The following STAG3 variants were observed in gnomAD, a reference collection of about 807,000 sequenced individuals.
The protein encoded by STAG3 is cohesin subunit SA-3.
A neutral mutation model predicts 160.7 loss-of-function variants in STAG3; 101 were observed. The observed-to-expected ratio is 0.63, with a 90% CI of 0.54 to 0.74. The LOEUF (loss-of-function observed/expected upper bound fraction) is 0.74. STAG3 is among the 30% of genes least tolerant of loss of function. The pLI is 0.00. For synonymous variants in STAG3, 519 were observed against 585.0 expected (o/e 0.89, Z 1.63); for missense variants, 1,188 against 1,517.4 (o/e 0.78, Z 3.61).
chr7:100,203,224 C>T (rs1279304843), intron 25 of STAG3, among the ~76,000 whole-genome samples: 3 of 149,584 alleles, frequency 2.0e-5, no homozygotes, highest in East Asian at 1.9e-4. Flanking sequence ...CTAGCTCTGT[C>T]GCCAGGCTAG....
intron 29 of STAG3, among the ~76,000 whole-genome samples, chr7:100,209,359 G>A (rs1801959753): frequency 6.6e-6 from 1 of 152,192 alleles, no homozygotes; most frequent in African/African-American, 2.4e-5. Context: ...AGCCAGTCCT[G>A]AGGCCACGAG....
intron 8 of STAG3, among the ~76,000 whole-genome samples, chr7:100,194,382 GGA>G (rs960199505): frequency 1.3e-5 from 2 of 152,054 alleles, no homozygotes; most frequent in African/African-American, 4.8e-5. Flanking sequence ...GGAGGCCTGA[GGA>G]GAGAGAGAGA....
chr7:100,216,249 G>A (rs1802740297), downstream of STAG3, among the ~76,000 whole-genome samples: 1 of 152,152 alleles, frequency 6.6e-6, no homozygotes, highest in East Asian at 1.9e-4. Flanking sequence ...AACCGGAACA[G>A]GGCCTTAAGA....
chr7:100,211,748 TC>T (rs766393472), intron 31 of STAG3, 46 bp from the exon 32 acceptor site: 1 of 1,598,070 alleles, frequency 6.3e-7, no homozygotes, highest in Admixed American at 1.7e-5. Flanking sequence ...CTCTCAGGGG[TC>T]CTCAAAGAAC....
rs755410628 is a variant in STAG3, at chr7:100,198,479, A to G, written c.1249A>G (p.Met417Val). The G allele has an allele frequency of 1.4e-5, 23 of 1,614,078 alleles. No homozygotes were observed. The highest frequency in any genetic ancestry group is 9.3e-6 in the Non-Finnish European group (11 of 1,180,042). The change falls in exon 13 of 34, where the codon ATG becomes GTG. Residue 417 changes from methionine to valine, a missense_variant. Met to Val is a conservative substitution (Grantham distance 21). Transcript: ENST00000615138. ...VRLLILILKN[M>V]EGVLTDADCE... ...TTTCTGCTTTTCTGTGGGCAGGAAC[A>G]TGGAAGGGGTGCTGACGGACGCGGA...
At position 100,204,713 on chromosome 7, in the gene STAG3, G is replaced by T. The variant is rs1363416975; in HGVS notation, c.2889G>T (p.Arg963Ser). ...TCGAGATGAGGGACCTGGCCCGGAG[G>T]TTTGCCTTGAGTTTTGGACCCCAGC... ...AFIEMRDLAR[R>S]FALSFGPQQL... is the part of the protein sequence containing the mutation. The change falls in exon 27 of 34, where the codon AGG becomes AGT. Residue 963 changes from arginine (R) to serine (S), a missense_variant. Physicochemically the swap from Arg to Ser is moderately radical, Grantham distance 110. Coordinates refer to ENST00000615138, the MANE Select transcript of STAG3 (RefSeq NM_001282717.2). The T allele has an allele frequency of 6.2e-7, 1 of 1,614,150 alleles. No individual in the cohort carries two copies. The highest frequency in any genetic ancestry group is 8.5e-7 in the Non-Finnish European group (1 of 1,180,024).
chr7:100,181,289 G>C (rs1799631005), intron 2 of STAG3: 1 of 152,218 alleles, frequency 6.6e-6, no homozygotes, highest in Admixed American at 6.5e-5. Flanking sequence ...ATTTCATACA[G>C]ATCTGCTTTA....
rs537724421 is a variant in STAG3 at position 100,184,823 on chromosome 7, A to T, written c.337-1377A>T. Among the ~76,000 whole-genome samples, 10 of 151,868 alleles carry T rather than the reference A, an allele frequency of 6.6e-5. No individual in the cohort carries two copies. In the South Asian group the frequency reaches 1.9e-3, roughly 28 times the overall value. The stretch of plus-strand genomic sequence containing the variant: ...TTTTATTTTTAAAATTTTATTAAAC[A>T]TAGTCATTTTATAATCTATGATAAA... On this transcript the variant is annotated intron_variant, in intron 4 of 33. Transcript: ENST00000615138.
At chr7:100,211,379 A>C in intron 30 of STAG3, 56 bp from the exon 31 acceptor site, 1 of 1,580,434 alleles carries the variant, frequency 6.3e-7, no homozygotes, top group Non-Finnish European at 8.7e-7. Context: ...CAGCTGCCTT[A>C]CATCCTCTTC....
downstream of STAG3, among the ~76,000 whole-genome samples, chr7:100,216,433 T>C (rs1802759179): frequency 6.6e-6 from 1 of 152,202 alleles, no homozygotes; most frequent in South Asian, 2.1e-4. Flanking sequence ...TTTTTGCTCT[T>C]AAAAAAGGGC....
chr7:100,178,574 C>CTT (rs572856194), intron 1 of STAG3, among the ~76,000 whole-genome samples: 1 of 134,974 alleles, frequency 7.4e-6, no homozygotes, highest in Non-Finnish European at 1.6e-5. Flanking sequence ...CCTTGCTTGG[C>CTT]TTTTTTTTTT....
Position 100,200,893 on chromosome 7 carries a change from G to T in STAG3, c.1985G>T (p.Arg662Leu). 1 of 1,614,156 alleles carries T rather than the reference G, an allele frequency of 6.2e-7. No homozygotes were observed. Among genetic ancestry groups the T allele is most frequent in the African/African-American group, 1.3e-5 (1 of 75,026 alleles). Reference protein sequence around the residue: ...LCNPEFTFFSRADFARSQLVD... With the variant: ...LCNPEFTFFSLADFARSQLVD... Reference sequence around the variant, plus strand: ...AATCCCGAATTCACTTTCTTCAGCCGGGCGGACTTTGCCCGCAGCCAGCTA... The same window carrying T: ...AATCCCGAATTCACTTTCTTCAGCCTGGCGGACTTTGCCCGCAGCCAGCTA... The change falls in exon 19 of 34, where the codon CGG becomes CTG. Residue 662 changes from arginine (R) to leucine (L), a missense_variant. Arg to Leu is a moderately radical substitution (Grantham distance 102). This residue lies in a region of STAG3 where 647 missense variants were observed against 717.2 expected (regional missense o/e 0.90). Transcript: ENST00000615138.
At chr7:100,200,407 A>G (rs757843073) in intron 17 of STAG3, 46 bp from the exon 18 acceptor site, 3 of 1,612,904 alleles carry the variant, frequency 1.9e-6, no homozygotes, top group East Asian at 2.2e-5. Flanking sequence ...AGTAGGAATT[A>G]GCAATGTGTC....
chr7:100,213,351 TCTC>T lies in STAG3; in HGVS notation c.3601-383_3601-381del, dbSNP rs1387906914. On this transcript the variant is annotated intron_variant, in intron 32 of 33. Transcript: ENST00000615138. ...TTCTGCTGTTATTCTTCTGTTCTCTTCTCTGCAGGGAAGGAAAAAGAACAGAAT... is the reference window on the plus strand; with the variant it reads ...TTCTGCTGTTATTCTTCTGTTCTCTTTGCAGGGAAGGAAAAAGAACAGAAT... 12 of 985,388 alleles carry T rather than the reference TCTC, an allele frequency of 1.2e-5. No homozygotes were observed. In the Middle Eastern group the frequency reaches 1.6e-3, roughly 129 times the overall value. 61.0% of individuals were successfully genotyped at this position (985,388 alleles called of 1,614,324 possible). A position where few individuals can be genotyped will look rare whatever the true frequency, so the allele number is the denominator to read the frequency against.
rs1277146332 is a variant in STAG3, at chr7:100,211,044, C to T, written c.3272C>T (p.Ser1091Leu). The change falls in exon 30 of 34, where the codon TCG (serine) becomes TTG (leucine). Residue 1091 changes from serine to leucine, a missense_variant. Coordinates refer to ENST00000615138, the MANE Select transcript of STAG3 (RefSeq NM_001282717.2). ...PAKPNREDVS[S>L]SQEESLQLNS... ...AAGCCTAACAGAGAGGACGTCTCCT[C>T]GTCCCAGGAAGAAAGTCTGCAGCTG... 11 of 1,613,858 alleles carry T rather than the reference C, an allele frequency of 6.8e-6. No individual in the cohort carries two copies. The highest frequency in any genetic ancestry group is 3.3e-4 in the Middle Eastern group (2 of 6,082).
At chr7:100,206,533 G>A (rs1801669366) in intron 29 of STAG3, among the ~76,000 whole-genome samples, 3 of 151,736 alleles carry the variant, frequency 2.0e-5, no homozygotes, top group South Asian at 4.2e-4. Flanking sequence ...GTCCAGTGGC[G>A]TGATCTCGAC....
At chr7:100,182,393 T>G (rs562791783) in intron 3 of STAG3, among the ~76,000 whole-genome samples, 8 of 149,576 alleles carry the variant, frequency 5.3e-5, no homozygotes, top group Non-Finnish European at 1.2e-4. Flanking sequence ...CTAAAAGAGG[T>G]TCAGGTGATA....
At chr7:100,213,913 GTC>G (rs1584803301) in intron 33 of STAG3, 92 bp from the exon 34 acceptor site, 1 of 1,612,896 alleles carries the variant, frequency 6.2e-7, no homozygotes, top group East Asian at 2.2e-5. Context: ...CCTCTGGGCT[GTC>G]TCTGGGGCTT....
chr7:100,211,624 G>A (rs745938846), intron 31 of STAG3, 85 bp downstream of exon 31: 163 of 1,506,998 alleles, frequency 1.1e-4, no homozygotes, highest in Middle Eastern at 3.8e-4. Flanking sequence ...TTGCCTCTCT[G>A]TGGGTGCTTT....
Sources: gnomAD v4.1 joint callset for allele counts (sites outside exome capture counted in the v4.1 genomes callset) on GRCh38, gnomAD v4.1.1 for gene constraint, gnomAD v4.1.1 regional missense constraint, MANE v1.5 for transcripts, NCBI Gene and HGNC (gene_info 2026-07-23, HGNC 2026-07-21) for gene names.